Variants in TM6SF1 observed in about 807,000 individuals in gnomAD.
The protein encoded by TM6SF1 is transmembrane 6 superfamily member 1.
TM6SF1 carries 43 observed loss-of-function variants against 47.1 expected under a neutral mutation model. The observed-to-expected ratio is 0.91, with a 90% confidence interval of 0.72 to 1.18. TM6SF1 has a LOEUF of 1.18. Ranked by LOEUF, TM6SF1 falls within the 50% of genes most tolerant of loss-of-function variation. TM6SF1 has a pLI of 0.00. For missense variants in TM6SF1, 390 were observed against 449.0 expected (o/e 0.87, Z 1.19); for synonymous variants, 177 against 166.3 (o/e 1.06, Z -0.49).
At chr15:83,118,955 C>G (rs1046463512) in intron 3 of TM6SF1, among the ~76,000 whole-genome samples, 1 of 152,126 alleles carries the variant, frequency 6.6e-6, no homozygotes, top group Non-Finnish European at 1.5e-5. Context: ...ATACTAGCTA[C>G]GTGACCTTAG....
At chr15:83,132,792 A>G (rs754923901) in intron 9 of TM6SF1, 18 of 152,210 alleles carry the variant, frequency 1.2e-4, no homozygotes, top group Non-Finnish European at 2.4e-4. Context: ...ATACTAATGC[A>G]AATCTTGTTT....
intron 9 of TM6SF1, chr15:83,132,367 C>T (rs1189179806): frequency 6.6e-6 from 1 of 152,192 alleles, no homozygotes; most frequent in African/African-American, 2.4e-5. Flanking sequence ...GGGACAGACT[C>T]ACCATGGGCT....
At chr15:83,114,922 C>T (rs2151341688) in intron 2 of TM6SF1, 1 of 152,282 alleles carries the variant, frequency 6.6e-6, no homozygotes, top group South Asian at 2.1e-4. Context: ...GTATAGCTTT[C>T]CTTCTGTCAT....
intron 9 of TM6SF1, chr15:83,132,536 G>T (rs1307021244): frequency 6.8e-6 from 1 of 147,784 alleles, no homozygotes; most frequent in African/African-American, 2.6e-5. Context: ...ATTTGGTTGT[G>T]AAGAGTTTAC....
At chr15:83,126,275 G>A (rs2035745662) in intron 7 of TM6SF1, among the ~76,000 whole-genome samples, 1 of 152,168 alleles carries the variant, frequency 6.6e-6, no homozygotes, top group African/African-American at 2.4e-5. Flanking sequence ...TTTCCAGCAA[G>A]AGGACCCTGC....
intron 7 of TM6SF1, among the ~76,000 whole-genome samples, chr15:83,125,013 C>T (rs965026448): frequency 9.2e-5 from 14 of 152,090 alleles, no homozygotes; most frequent in Non-Finnish European, 7.4e-5. Context: ...TCTTCCTCCC[C>T]GTTTTAGGGC....
intron 3 of TM6SF1, among the ~76,000 whole-genome samples, chr15:83,117,220 T>C (rs963062284): frequency 2.6e-5 from 4 of 152,062 alleles, no homozygotes; most frequent in Non-Finnish European, 5.9e-5. Context: ...GGCAAAGGCT[T>C]GGAGAGGAGA....
At chr15:83,126,381 G>A (rs2035752838) in intron 7 of TM6SF1, among the ~76,000 whole-genome samples, 1 of 152,232 alleles carries the variant, frequency 6.6e-6, no homozygotes, top group South Asian at 2.1e-4. Context: ...TGCATAGTAA[G>A]ATGAATTTGG....
intron 4 of TM6SF1, among the ~76,000 whole-genome samples, chr15:83,121,309 T>C (rs2035225851): frequency 6.6e-6 from 1 of 151,862 alleles, no homozygotes; most frequent in African/African-American, 2.4e-5. Context: ...TTCAAACTCC[T>C]GACCTCAAGT....
At chr15:83,119,312 C>T (rs1001375744) in intron 3 of TM6SF1, among the ~76,000 whole-genome samples, 4 of 152,226 alleles carry the variant, frequency 2.6e-5, no homozygotes, top group African/African-American at 7.2e-5. Context: ...CATCTGCCTT[C>T]GCATCACAGT....
At chr15:83,115,257 A>G (rs746749566) in intron 2 of TM6SF1, 12 of 195,354 alleles carry the variant, frequency 6.1e-5, no homozygotes, top group Non-Finnish European at 1.3e-4. Context: ...AGCTGGGATT[A>G]CAGGCGTGCA....
At chr15:83,125,429 G>A (rs971160294) in intron 7 of TM6SF1, among the ~76,000 whole-genome samples, 4 of 152,098 alleles carry the variant, frequency 2.6e-5, no homozygotes, top group African/African-American at 9.7e-5. Context: ...GTGTGGCCTT[G>A]GAAAAACTAC....
chr15:83,113,011 T>C (rs906458633), intron 2 of TM6SF1, 111 bp downstream of exon 2: 11 of 900,824 alleles, frequency 1.2e-5, no homozygotes, highest in Non-Finnish European at 1.6e-5. Context: ...TTGGTAACAG[T>C]GGCTGCAAGT....
Position 83,122,849 on chromosome 15 carries a change from C to T in TM6SF1, c.574C>T (p.Pro192Ser), listed in dbSNP as rs756695221. The T allele has an allele frequency of 5.6e-6, 9 of 1,613,970 alleles. No homozygotes were observed. In the South Asian group the frequency reaches 9.9e-5, roughly 18 times the overall value. ...GGCTGGTTTCAGAATCTATAATCAG[C>T]CATCAGAAAATTATAATTACCCCTC... ...VWAGFRIYNQ[P>S]SENYNYPSKV... The change falls in exon 6 of 10, where the codon CCA (proline) becomes TCA (serine). Residue 192 changes from proline to serine, a missense_variant. Coordinates refer to ENST00000322019, the MANE Select transcript of TM6SF1 (RefSeq NM_023003.5).
At chr15:83,108,054 C>T (rs981369060) in intron 1 of TM6SF1, among the ~76,000 whole-genome samples, 1 of 152,186 alleles carries the variant, frequency 6.6e-6, no homozygotes, top group Admixed American at 6.5e-5. Context: ...TCAATACGGC[C>T]ATGCCCCTGC....
intron 7 of TM6SF1, among the ~76,000 whole-genome samples, chr15:83,126,020 G>GC (rs1567149025): frequency 6.6e-6 from 1 of 152,126 alleles, no homozygotes; most frequent in Non-Finnish European, 1.5e-5. Context: ...AAAATAGTGG[G>GC]CCCCACCTGT....
intron 1 of TM6SF1, among the ~76,000 whole-genome samples, chr15:83,112,058 C>T (rs142989774): frequency 3.3e-4 from 50 of 152,306 alleles, no homozygotes; most frequent in African/African-American, 6.5e-4. Context: ...CGTGCCCTAT[C>T]GCTGCCCCAC....
intron 1 of TM6SF1, among the ~76,000 whole-genome samples, chr15:83,109,456 G>A (rs2033949360): frequency 6.6e-6 from 1 of 152,174 alleles, no homozygotes; most frequent in South Asian, 2.1e-4. Context: ...TGTGCATGAT[G>A]GAGCGCACTG....
chr15:83,122,424 T>C (rs953519518), intron 5 of TM6SF1, among the ~76,000 whole-genome samples: 7 of 152,116 alleles, frequency 4.6e-5, no homozygotes, highest in Non-Finnish European at 1.0e-4. Context: ...GATATAGATA[T>C]AGGGAGATAG....
Sources: gnomAD v4.1 joint callset for allele counts (sites outside exome capture counted in the v4.1 genomes callset) on GRCh38, gnomAD v4.1.1 for gene constraint, MANE v1.5 for transcripts, NCBI Gene and HGNC (gene_info 2026-07-23, HGNC 2026-07-21) for gene names.